Variants in TENM2 observed in about 807,000 individuals in gnomAD.
The protein encoded by TENM2 is teneurin transmembrane protein 2.
In TENM2, 52 loss-of-function variants were observed where a neutral mutation model predicts 245.2. The observed-to-expected ratio is 0.21, with a 90% CI of 0.17 to 0.27. TENM2 has a LOEUF of 0.27. Among genes scored for constraint, TENM2 ranks in the 10% least tolerant of loss-of-function variants. TENM2 has a pLI of 1.00. For synonymous variants in TENM2, 1,363 were observed against 1,438.9 expected, an observed-to-expected ratio of 0.95 and a Z score of 1.19; for missense variants, 3,046 against 3,666.8, an observed-to-expected ratio of 0.83 and a Z score of 4.37.
intron 2 of TENM2, among the ~76,000 whole-genome samples, chr5:167,638,766 A>G (rs975245646): frequency 4.6e-5 from 7 of 152,236 alleles, no homozygotes; most frequent in Admixed American, 3.9e-4. Context: ...GGACTCAAGC[A>G]GTTTCAATCA....
At chr5:168,187,809 T>G (rs1448596011) in intron 13 of TENM2, 2 of 152,212 alleles carry the variant, frequency 1.3e-5, no homozygotes, top group African/African-American at 4.8e-5. Context: ...CAGTGCTGTT[T>G]CTAGGGTCTG....
the TENM2 span, among the ~76,000 whole-genome samples, chr5:167,230,462 C>T: frequency 6.6e-6 from 1 of 152,084 alleles, no homozygotes; most frequent in Non-Finnish European, 1.5e-5. Flanking sequence ...TGTGATTATC[C>T]AGTCACTATT....
At chr5:167,912,244 G>A (rs1226828393) in intron 3 of TENM2, among the ~76,000 whole-genome samples, 1 of 151,832 alleles carries the variant, frequency 6.6e-6, no homozygotes, top group Non-Finnish European at 1.5e-5. Context: ...TGAGAGGGGT[G>A]GTATTCGTCT....
chr5:167,486,355 G>A (rs887836064), intron 2 of TENM2, among the ~76,000 whole-genome samples: 67 of 147,482 alleles, frequency 4.5e-4, no homozygotes, highest in Non-Finnish European at 7.9e-4. Flanking sequence ...TTGAGACAGA[G>A]TCTCACTCTG....
chr5:168,109,177 CT>C (rs1284607860), intron 9 of TENM2, among the ~76,000 whole-genome samples: 2 of 152,220 alleles, frequency 1.3e-5, no homozygotes. Flanking sequence ...CCTCCCACCC[CT>C]GACCTAAAGA....
intron 2 of TENM2, among the ~76,000 whole-genome samples, chr5:167,577,366 A>T (rs1030681237): frequency 6.6e-6 from 1 of 152,086 alleles, no homozygotes; most frequent in Non-Finnish European, 1.5e-5. Context: ...TTGCTGGTGG[A>T]TTCTTCTTTG....
At chr5:167,835,598 C>T (rs1768915053) in intron 2 of TENM2, among the ~76,000 whole-genome samples, 1 of 152,202 alleles carries the variant, frequency 6.6e-6, no homozygotes, top group African/African-American at 2.4e-5. Context: ...CCTTGAATTA[C>T]ATCACATGAG....
At chr5:167,171,067 T>C in the TENM2 span, among the ~76,000 whole-genome samples, 4 of 152,150 alleles carry the variant, frequency 2.6e-5, no homozygotes, top group Non-Finnish European at 2.9e-5. Context: ...TCTATCCGGG[T>C]GATTGCATCC....
exon 29 of TENM2, chr5:168,262,807 G>A (rs778902946): frequency 1.3e-6 from 2 of 1,595,598 alleles, no homozygotes; most frequent in Non-Finnish European, 1.7e-6. Flanking sequence ...TGGGAAAGAG[G>A]TAACAAAATA....
chr5:168,155,297 G>A (rs1757053980), intron 12 of TENM2, among the ~76,000 whole-genome samples: 1 of 151,502 alleles, frequency 6.6e-6, no homozygotes, highest in Non-Finnish European at 1.5e-5. Context: ...ATTAAATAAT[G>A]TCCAGTGTAT....
intron 2 of TENM2, among the ~76,000 whole-genome samples, chr5:167,503,073 C>T (rs542409552): frequency 6.0e-4 from 92 of 152,098 alleles, no homozygotes; most frequent in African/African-American, 2.2e-3. Context: ...GTGATCCACC[C>T]GACTCGGCCT....
At chr5:167,749,430 G>A (rs945412203) in intron 2 of TENM2, among the ~76,000 whole-genome samples, 1 of 152,130 alleles carries the variant, frequency 6.6e-6, no homozygotes, top group African/African-American at 2.4e-5. Flanking sequence ...ATGAGGTCAG[G>A]AGTTCAAGAC....
the TENM2 span, among the ~76,000 whole-genome samples, chr5:167,162,585 G>A: frequency 4.7e-5 from 7 of 149,930 alleles, no homozygotes; most frequent in East Asian, 1.2e-3. Flanking sequence ...CCGAGATGGC[G>A]CCACTGCACT....
chr5:167,917,331 T>G (rs1389668450), intron 3 of TENM2, among the ~76,000 whole-genome samples: 1 of 151,942 alleles, frequency 6.6e-6, no homozygotes, highest in Non-Finnish European at 1.5e-5. Flanking sequence ...AAATGCCTCA[T>G]GCATGGATGT....
intron 7 of TENM2, among the ~76,000 whole-genome samples, chr5:168,071,892 G>A (rs1212543518): frequency 6.6e-6 from 1 of 152,148 alleles, no homozygotes; most frequent in East Asian, 1.9e-4. Flanking sequence ...CCCACTTTGG[G>A]TATGAGAGAG....
the TENM2 span, among the ~76,000 whole-genome samples, chr5:167,206,102 C>T: frequency 9.2e-5 from 14 of 152,128 alleles, no homozygotes; most frequent in African/African-American, 1.9e-4. Context: ...GACATGACAT[C>T]GGGGCCAAAG....
intron 2 of TENM2, among the ~76,000 whole-genome samples, chr5:167,732,664 T>C (rs1305515691): frequency 6.6e-6 from 1 of 152,178 alleles, no homozygotes; most frequent in Non-Finnish European, 1.5e-5. Flanking sequence ...TGACATGTAG[T>C]GACACTTCAC....
intron 2 of TENM2, among the ~76,000 whole-genome samples, chr5:167,795,079 A>G (rs1462045283): frequency 6.6e-6 from 1 of 152,180 alleles, no homozygotes; most frequent in Non-Finnish European, 1.5e-5. Context: ...CATTAAGCTT[A>G]CCTGAAATTT....
At chr5:168,174,124 A>G (rs887317506) in intron 13 of TENM2, among the ~76,000 whole-genome samples, 4 of 152,174 alleles carry the variant, frequency 2.6e-5, no homozygotes, top group African/African-American at 9.7e-5. Flanking sequence ...AATTGCAACC[A>G]TGCCTGCCCC....
Sources: gnomAD v4.1 joint callset for allele counts (sites outside exome capture counted in the v4.1 genomes callset) on GRCh38, gnomAD v4.1.1 for gene constraint, MANE v1.5 for transcripts, NCBI Gene and HGNC (gene_info 2026-07-23, HGNC 2026-07-21) for gene names.